Variants in SEC16A observed in about 807,000 individuals in gnomAD.
SEC16A encodes the protein SEC16 homolog A, endoplasmic reticulum export factor.
SEC16A carries 110 observed loss-of-function variants against 221.9 expected under a neutral mutation model. The observed-to-expected ratio is 0.50, with a 90% CI of 0.42 to 0.58. SEC16A has a LOEUF of 0.58. Ranked by LOEUF, SEC16A falls within the 20% of genes least tolerant of loss-of-function variation. The probability of loss-of-function intolerance (pLI) is 0.00; values close to 1 mark genes in which losing one functional copy is unlikely to be tolerated. For missense variants in SEC16A, 3,165 were observed against 3,097.8 expected (o/e 1.02, Z -0.52); for synonymous variants, 1,393 against 1,257.7 (o/e 1.11, Z -2.28).
rs1196035668 is a variant in SEC16A at position 136,447,413 on chromosome 9, C to T, written c.6560-49G>A. On this transcript the variant is annotated intron_variant, in intron 26 of 31. Transcript: ENST00000684901. The surrounding 1 kb of genome is among the most constrained non-coding windows in gnomAD (Gnocchi z 5.5). ...TGAGGTGAACGCGCCAGGTGGCCTC[C>T]AGCTTCCAAATGCTCTGCGCTCACT... 3 of 1,582,396 alleles carry T rather than the reference C, an allele frequency of 1.9e-6. No homozygotes were observed. The South Asian group carries it at 3.5e-5, about 18-fold the overall frequency.
Position 136,477,487 on chromosome 9 carries a change from C to A in SEC16A, c.129G>T (p.Pro43=), listed in dbSNP as rs373043747. The change falls in exon 3 of 32, where the codon CCG becomes CCT. Residue 43 remains proline (P), a synonymous_variant. Transcript: ENST00000684901. The part of the protein sequence containing the change: ...RRANNNAAVA[P]TTCPLQPVTD... Reference sequence around the variant, plus strand: ...TGACCGGCTGCAACGGGCAAGTTGTCGGAGCCACTGCTGCATTATTATTAG... The same window carrying A: ...TGACCGGCTGCAACGGGCAAGTTGTAGGAGCCACTGCTGCATTATTATTAG... 9.3e-6 allele frequency: 15 copies of A among 1,613,946 alleles called. No homozygotes were observed. The East Asian group carries it at 3.1e-4, about 34-fold the overall frequency.
chr9:136,454,183 G>C lies in SEC16A; in HGVS notation c.6002C>G (p.Pro2001Arg). Residue 2001 changes from proline (P) to arginine (R), a missense_variant, in exon 21 of 32, where the codon CCT (proline) becomes CGT (arginine). Pro to Arg is a moderately radical substitution (Grantham distance 103, BLOSUM62 -2). Around this residue, in one of 3 missense-constraint regions of SEC16A, gnomAD observed 1,088 missense variants for 1,089.6 expected, o/e 1.00. Transcript: ENST00000684901. ...PALGFLEPSG[P>R]GLPPGVPPLQ... is the part of the protein sequence containing the mutation. ...AGGTGGCACACCAGGTGGGAGGCCA[G>C]GCCCGGAGGGCTCCAGGAAGCCAAG... 6.4e-7 allele frequency: 1 copy of C among 1,559,642 alleles called. No individual in the cohort carries two copies. The highest frequency in any genetic ancestry group is 8.7e-7 in the Non-Finnish European group (1 of 1,151,620).
intron 1 of SEC16A, among the ~76,000 whole-genome samples, 199 bp from the exon 2 acceptor site, chr9:136,479,029 G>A (rs907078889): frequency 2.0e-5 from 3 of 152,144 alleles, no homozygotes; most frequent in Non-Finnish European, 2.9e-5. Flanking sequence ...TGCCTGGAAT[G>A]GAAACTCCCA....
In SEC16A at chr9:136,466,210, G is replaced by A. The variant is rs775693945; in HGVS notation, c.4128+54C>T. The A allele has an allele frequency of 6.4e-7, 1 of 1,573,742 alleles. No individual in the cohort carries two copies. Among genetic ancestry groups the A allele is most frequent in the African/African-American group, 1.3e-5 (1 of 74,110 alleles). On this transcript the variant is annotated intron_variant, in intron 7 of 31. Coordinates refer to ENST00000684901, the MANE Select transcript of SEC16A (RefSeq NM_014866.2). This position sits in a 1 kb window ranked among gnomAD's most constrained non-coding sequence, Gnocchi z 5.5. ...TAAAACTTTAGGTACATTGCAAACA[G>A]GATGGTGGTTCTAAACACAACCGTC... is the stretch of plus-strand genomic sequence containing the variant.
chr9:136,467,162 C>T, intron 5 of SEC16A, 79 bp from the exon 6 acceptor site: 2 of 1,532,314 alleles, frequency 1.3e-6, no homozygotes, highest in Non-Finnish European at 8.9e-7. Flanking sequence ...GAAGCGACAC[C>T]ACCCCAGGAC....
chr9:136,479,985 G>T (rs1842119328), intron 1 of SEC16A, among the ~76,000 whole-genome samples: 1 of 149,090 alleles, frequency 6.7e-6, no homozygotes, highest in Non-Finnish European at 1.5e-5. Flanking sequence ...CTGGGCGACA[G>T]AGTGAAACTG....
Position 136,472,024 on chromosome 9 carries a change from C to T in SEC16A, c.3655G>A (p.Glu1219Lys), listed in dbSNP as rs769784106. ...YAQNYRYPEP[E>K]RPSSRASHSS... ...TGGCTGGCTCGGGAGCTGGGCCGCT[C>T]GGGCTCGGGATAGCGGTAGTTCTGG... Residue 1219 changes from glutamate to lysine, a missense_variant, in exon 4 of 32, where the codon GAG becomes AAG. Transcript: ENST00000684901. 3 of 1,611,866 alleles carry T rather than the reference C, an allele frequency of 1.9e-6. No individual in the cohort carries two copies. Among genetic ancestry groups the T allele is most frequent in the African/African-American group, 1.3e-5 (1 of 74,912 alleles).
chr9:136,461,942 CAA>C (rs746037656), intron 12 of SEC16A, among the ~76,000 whole-genome samples: 16 of 103,544 alleles, frequency 1.5e-4, no homozygotes, highest in South Asian at 2.9e-4. Context: ...CCCGTCTCTA[CAA>C]AAAAAAAAAA....
At chr9:136,472,871 C>T (rs888740548) in intron 3 of SEC16A, among the ~76,000 whole-genome samples, 2 of 152,240 alleles carry the variant, frequency 1.3e-5, no homozygotes, top group East Asian at 1.9e-4. Flanking sequence ...AGAGGCACGG[C>T]GGGAGGAGTG....
At chr9:136,460,198 C>T in intron 13 of SEC16A, 75 bp from the exon 14 acceptor site, 1 of 1,233,842 alleles carries the variant, frequency 8.1e-7, no homozygotes. Flanking sequence ...CATGATGGCT[C>T]ACGCCTGTAA....
At position 136,476,805 on chromosome 9, in the gene SEC16A, G is replaced by T; in HGVS notation, c.811C>A (p.Pro271Thr). The T allele has an allele frequency of 1.2e-6, 2 of 1,611,386 alleles. No individual in the cohort carries two copies. The highest frequency in any genetic ancestry group is 1.3e-5 in the African/African-American group (1 of 75,000). ...GHEQHSPLVA[P>T]PAALPSDGRD... ...CCGTCACTGGGCAAGGCTGCTGGGG[G>T]AGCCACCAGAGGGCTGTGTTGCTCA... is the stretch of plus-strand genomic sequence containing the variant. Residue 271 changes from proline to threonine, a missense_variant, in exon 3 of 32, where the codon CCC becomes ACC. Pro to Thr is a conservative substitution (Grantham distance 38). Coordinates refer to ENST00000684901, the MANE Select transcript of SEC16A (RefSeq NM_014866.2).
chr9:136,466,418 G>A lies in SEC16A; in HGVS notation c.3974C>T (p.Thr1325Met), dbSNP rs759715457. 9.3e-6 allele frequency: 15 copies of A among 1,607,330 alleles called. No homozygotes were observed. The highest frequency in any genetic ancestry group is 1.7e-5 in the Admixed American group (1 of 59,348). ...ATCGGGGTCATCGTCAAAACTCCCC[G>A]TGAAGCGAGGATCGTACCTCCAGTT... is the stretch of plus-strand genomic sequence containing the variant. ...DNNWRYDPRF[T>M]GSFDDDPDPH... The change falls in exon 7 of 32, where the codon ACG (threonine) becomes ATG (methionine). Residue 1325 changes from threonine to methionine, a missense_variant. Physicochemically the swap from Thr to Met is moderately conservative, Grantham distance 81. Around this residue, in one of 3 missense-constraint regions of SEC16A, gnomAD observed 2,030 missense variants for 1,923.1 expected, o/e 1.06. Transcript: ENST00000684901. The surrounding 1 kb of genome is among the most constrained non-coding windows in gnomAD (Gnocchi z 5.5).
chr9:136,456,174 C>A lies in SEC16A; in HGVS notation c.5551-8G>T, dbSNP rs767318195. The A allele has an allele frequency of 1.2e-6, 2 of 1,605,866 alleles. No individual in the cohort carries two copies. Among genetic ancestry groups the A allele is most frequent in the South Asian group, 1.1e-5 (1 of 90,800 alleles). On this transcript the variant is annotated splice_polypyrimidine_tract_variant and splice_region_variant and intron_variant, in intron 18 of 31. Transcript: ENST00000684901. ...TCGTAACTGGGAAGCCATCTAGACACGGGCAAAAATCAAAGGCCCCTGTCA... is the reference window on the plus strand; with the variant it reads ...TCGTAACTGGGAAGCCATCTAGACAAGGGCAAAAATCAAAGGCCCCTGTCA...
In SEC16A at chr9:136,441,723, G is replaced by A. The variant is rs570464655; in HGVS notation, c.*32C>T. 2 of 1,604,808 alleles carry A rather than the reference G, an allele frequency of 1.2e-6. No homozygotes were observed. Among genetic ancestry groups the A allele is most frequent in the East Asian group, 2.2e-5 (1 of 44,820 alleles). On this transcript the variant is annotated 3_prime_UTR_variant, in exon 32 of 32. Coordinates refer to ENST00000684901, the MANE Select transcript of SEC16A (RefSeq NM_014866.2). Reference sequence around the variant, plus strand: ...TCTTCGGGGAGAACAGCAGCGTCAGGGCTCCAAGTGCAAGTTCACAGCAGG... The same window carrying A: ...TCTTCGGGGAGAACAGCAGCGTCAGAGCTCCAAGTGCAAGTTCACAGCAGG...
At chr9:136,457,046 G>A (rs544536144) in intron 18 of SEC16A, among the ~76,000 whole-genome samples, 33 of 152,284 alleles carry the variant, frequency 2.2e-4, no homozygotes, top group Non-Finnish European at 4.4e-4. Context: ...GGTGGCAGGC[G>A]CCTGTAATCC....
At chr9:136,453,968 C>T in intron 21 of SEC16A, 141 bp downstream of exon 21, 4 of 806,882 alleles carry the variant, frequency 5.0e-6, no homozygotes, top group Non-Finnish European at 4.1e-6. Flanking sequence ...CAGTCTGTAA[C>T]TTCCAGAATT....
rs1262415751 is a variant in SEC16A, at chr9:136,448,169, T to TA, written c.6313-9dup. 7.5e-6 allele frequency: 12 copies of TA among 1,609,518 alleles called. No individual in the cohort carries two copies. The African/African-American group carries it at 8.0e-5, about 11-fold the overall frequency. On this transcript the variant is annotated splice_polypyrimidine_tract_variant and intron_variant, in intron 23 of 31. Transcript: ENST00000684901. The stretch of plus-strand genomic sequence containing the variant: ...AAAGAACCAGGATTCACCCTAAATA[T>TA]AAAAAACACGAGAACAACTTTGAAA...
Position 136,466,608 on chromosome 9 carries a change from G to A in SEC16A, c.3930-146C>T, listed in dbSNP as rs368775297. The A allele has an allele frequency of 3.6e-4, 273 of 763,610 alleles. 1 individual carries two copies. The East Asian group carries it at 4.3e-3, about 12-fold the overall frequency. The allele number at this position is 763,610 out of a possible 1,614,324, so 47.3% of individuals were successfully genotyped here. On this transcript the variant is annotated intron_variant, in intron 6 of 31. Coordinates refer to ENST00000684901, the MANE Select transcript of SEC16A (RefSeq NM_014866.2). This position sits in a 1 kb window ranked among gnomAD's most constrained non-coding sequence, Gnocchi z 5.5. ...CACCCGACACTCAGGGCCCTCTGAC[G>A]TGCAACGTTAGAGAAGTACTGCGAA...
chr9:136,441,950 G>C (rs1015808222), intron 31 of SEC16A, 127 bp from the exon 32 acceptor site: 3 of 804,558 alleles, frequency 3.7e-6, no homozygotes, highest in South Asian at 3.1e-5. Flanking sequence ...CAAGCTGAAG[G>C]CTTCGTTTTT....
Sources: allele counts gnomAD v4.1 joint callset (sites outside exome capture counted in the v4.1 genomes callset), GRCh38; gene constraint gnomAD v4.1.1; regional missense constraint gnomAD v4.1.1; non-coding constraint Gnocchi (gnomAD v3.1); transcripts MANE v1.5; gene names NCBI Gene and HGNC (gene_info 2026-07-23, HGNC 2026-07-21).